Variants in PKHD1 observed in about 807,000 individuals in gnomAD.
PKHD1 encodes the protein PKHD1 ciliary IPT domain containing fibrocystin/polyductin, also known as fibrocystin.
A neutral mutation model predicts 412.0 loss-of-function variants in PKHD1; 291 were observed. That is an observed-to-expected ratio of 0.71 (90% CI 0.64 to 0.78). The LOEUF (loss-of-function observed/expected upper bound fraction) is 0.78, where lower values mean the gene tolerates loss of function less well. Among genes scored for constraint, PKHD1 ranks in the 30% least tolerant of loss-of-function variants. The probability of loss-of-function intolerance (pLI) is 0.00; values close to 1 mark genes in which losing one functional copy is unlikely to be tolerated. For missense variants in PKHD1, 4,825 were observed against 4,950.7 expected (o/e 0.97, Z 0.76); for synonymous variants, 1,777 against 1,821.5 (o/e 0.98, Z 0.62).
chr6:51,682,862 G>T (rs951383883), intron 60 of PKHD1, among the ~76,000 whole-genome samples: 1 of 152,000 alleles, frequency 6.6e-6, no homozygotes, highest in Admixed American at 6.6e-5. Flanking sequence ...AGGCTACCAT[G>T]CACCTCAGTT....
At chr6:51,653,178 C>T (rs1002585516) in intron 61 of PKHD1, among the ~76,000 whole-genome samples, 1 of 152,114 alleles carries the variant, frequency 6.6e-6, no homozygotes, top group Non-Finnish European at 1.5e-5. Context: ...ATCTCTCCCC[C>T]TCAAGAATAA....
intron 60 of PKHD1, among the ~76,000 whole-genome samples, chr6:51,735,661 C>T (rs893744277): frequency 1.3e-5 from 2 of 152,132 alleles, no homozygotes; most frequent in Non-Finnish European, 2.9e-5. Flanking sequence ...CATGGTGACT[C>T]ATGCCCATAA....
chr6:51,701,849 C>A (rs1257727095), intron 60 of PKHD1, among the ~76,000 whole-genome samples: 3 of 151,672 alleles, frequency 2.0e-5, no homozygotes, highest in African/African-American at 7.3e-5. Context: ...GAATTTTAGG[C>A]TTTGTGGCCA....
chr6:51,638,743 A>T (rs1463343522), intron 64 of PKHD1, 106 bp downstream of exon 64: 4 of 754,932 alleles, frequency 5.3e-6, no homozygotes, highest in Non-Finnish European at 9.3e-6. Flanking sequence ...AACTATGATG[A>T]CCTCTTATTC....
At chr6:52,023,831 A>G (rs531813792) in intron 32 of PKHD1, among the ~76,000 whole-genome samples, 1 of 152,248 alleles carries the variant, frequency 6.6e-6, no homozygotes, top group Non-Finnish European at 1.5e-5. Context: ...AGCATAAATT[A>G]GCAAAATTAG....
At chr6:51,663,313 G>A (rs898132149) in intron 60 of PKHD1, among the ~76,000 whole-genome samples, 12 of 151,812 alleles carry the variant, frequency 7.9e-5, no homozygotes, top group African/African-American at 2.7e-4. Flanking sequence ...CTCTGGCTTT[G>A]TTCTTCCTAC....
intron 43 of PKHD1, among the ~76,000 whole-genome samples, chr6:51,897,560 T>C (rs1161397843): frequency 7.0e-6 from 1 of 143,726 alleles, no homozygotes; most frequent in Non-Finnish European, 1.5e-5. Flanking sequence ...TGCAAAATCA[T>C]GCCAAAATGT....
rs1457123441 is a variant in PKHD1 at position 51,791,315 on chromosome 6, C to T, written c.8361G>A (p.Gly2787=). Residue 2787 remains glycine (G), a synonymous_variant, in exon 53 of 67, where the codon GGG becomes GGA. Coordinates refer to ENST00000371117, the MANE Select transcript of PKHD1 (RefSeq NM_138694.4). ...TTCTGTCCACAGGGAAGTCTAAGGT[C>T]CCCATCACATACAGCCCTTTGAAGA... The part of the protein sequence containing the change: ...LPFFKGLYVM[G]TLDFPVDRSN... 1.1e-5 allele frequency: 18 copies of T among 1,613,144 alleles called. No individual in the cohort carries two copies. The highest frequency in any genetic ancestry group is 1.5e-5 in the Non-Finnish European group (18 of 1,179,160).
rs1561859746 is a variant in PKHD1 at position 51,911,975 on chromosome 6, T to C, written c.6333-19A>G. On this transcript the variant is annotated intron_variant, in intron 38 of 66. Coordinates refer to ENST00000371117, the MANE Select transcript of PKHD1 (RefSeq NM_138694.4). ...AGAATATCTGGAGAAAAAAAGAGGA[T>C]GATAGAACTGAGGACATCACTCCAA... The C allele has an allele frequency of 1.9e-6, 3 of 1,595,680 alleles. No individual in the cohort carries two copies. Among genetic ancestry groups the C allele is most frequent in the Non-Finnish European group, 2.6e-6 (3 of 1,166,686 alleles).
intron 35 of PKHD1, among the ~76,000 whole-genome samples, chr6:52,004,317 A>G (rs1798794700): frequency 1.3e-5 from 2 of 152,076 alleles, no homozygotes; most frequent in African/African-American, 4.8e-5. Flanking sequence ...ATTTCTTTCA[A>G]TTCTATAATT....
chr6:51,753,215 C>T lies in PKHD1; in HGVS notation c.8936G>A (p.Arg2979Gln), dbSNP rs761651295. 3.1e-6 allele frequency: 5 copies of T among 1,613,702 alleles called. No homozygotes were observed. The highest frequency in any genetic ancestry group is 1.1e-5 in the South Asian group (1 of 91,062). Reference protein sequence around the residue: ...LFVGSFRKSSREEFSGVLQLL... With the variant: ...LFVGSFRKSSQEEFSGVLQLL... ...ATTTCATTTACCTGAAAATTCTTCT[C>T]GGCTGGACTTCCTGAAGGACCCCAC... The change falls in exon 57 of 67, where the codon CGA becomes CAA. Residue 2979 changes from arginine to glutamine, a missense_variant. Arg to Gln is a conservative substitution (Grantham distance 43). Coordinates refer to ENST00000371117, the MANE Select transcript of PKHD1 (RefSeq NM_138694.4).
chr6:51,863,342 T>A (rs1344304018), intron 48 of PKHD1, among the ~76,000 whole-genome samples: 2 of 152,184 alleles, frequency 1.3e-5, no homozygotes, highest in East Asian at 3.9e-4. Flanking sequence ...TCTTCTAATC[T>A]CCCTCACACT....
At chr6:51,885,542 G>C (rs936044116) in intron 45 of PKHD1, among the ~76,000 whole-genome samples, 2 of 152,256 alleles carry the variant, frequency 1.3e-5, no homozygotes, top group East Asian at 3.9e-4. Context: ...TCTAAGTAGA[G>C]ATGGAAAGAA....
chr6:51,818,798 C>T (rs894823563), intron 52 of PKHD1, among the ~76,000 whole-genome samples: 1 of 151,970 alleles, frequency 6.6e-6, no homozygotes, highest in Non-Finnish European at 1.5e-5. Context: ...GCCTGGAATG[C>T]GGCTGCAATG....
At chr6:51,976,345 G>A (rs1794437373) in intron 35 of PKHD1, among the ~76,000 whole-genome samples, 1 of 152,134 alleles carries the variant, frequency 6.6e-6, no homozygotes, top group Admixed American at 6.5e-5. Flanking sequence ...GACACAGCAT[G>A]GATAAATCTT....
intron 60 of PKHD1, among the ~76,000 whole-genome samples, chr6:51,661,454 G>A (rs1772857338): frequency 6.6e-6 from 1 of 151,906 alleles, no homozygotes; most frequent in African/African-American, 2.4e-5. Flanking sequence ...TTGAAGAGGT[G>A]TGTCTGACCA....
chr6:51,801,654 T>TGA lies in PKHD1; in HGVS notation c.8303-10283_8303-10282dup, dbSNP rs10582944. Among the ~76,000 whole-genome samples, 274 of 114,194 alleles carry TGA rather than the reference T, an allele frequency of 2.4e-3. 2 individuals carry two copies. The highest frequency in any genetic ancestry group is 5.1e-3 in the African/African-American group (137 of 26,610). 74.9% of individuals were successfully genotyped at this position (114,194 alleles called of 152,430 possible). ...GCTGGCCTGATTGTGTGTGTGTGTG[T>TGA]GAGAGAGAGAGAGAGAGAGAGAGAG... On this transcript the variant is annotated intron_variant, in intron 52 of 66. Transcript: ENST00000371117.
At chr6:51,862,450 T>G (rs538215109) in intron 48 of PKHD1, among the ~76,000 whole-genome samples, 1 of 152,340 alleles carries the variant, frequency 6.6e-6, no homozygotes, top group South Asian at 2.1e-4. Flanking sequence ...ATCTTTGAAT[T>G]TTCTTGTCTC....
intron 60 of PKHD1, among the ~76,000 whole-genome samples, chr6:51,675,348 T>C (rs1775666540): frequency 6.6e-6 from 1 of 152,194 alleles, no homozygotes; most frequent in African/African-American, 2.4e-5. Flanking sequence ...TTTTGAGTAA[T>C]GATTATCTTT....
Sources: gnomAD v4.1 joint callset for allele counts (sites outside exome capture counted in the v4.1 genomes callset) on GRCh38, gnomAD v4.1.1 for gene constraint, MANE v1.5 for transcripts, NCBI Gene and HGNC (gene_info 2026-07-23, HGNC 2026-07-21) for gene names.